KRT84: variants seen among roughly 807,000 people sequenced by gnomAD.
KRT84 encodes the protein keratin 84, also known as keratin, type II cuticular Hb4.
KRT84 carries 38 observed loss-of-function variants against 49.0 expected under a neutral mutation model. That is an observed-to-expected ratio of 0.78 (90% CI 0.60 to 1.02). The LOEUF is 1.02. Ranked by LOEUF, KRT84 falls within the 50% of genes least tolerant of loss-of-function variation. The pLI is 0.00. For missense variants in KRT84, 860 were observed against 788.6 expected, an observed-to-expected ratio of 1.09 and a Z score of -1.08; for synonymous variants, 334 against 312.8, an observed-to-expected ratio of 1.07 and a Z score of -0.72.
chr12:52,378,606 G>A (rs1436319797), intron 8 of KRT84, among the ~76,000 whole-genome samples: 3 of 152,218 alleles, frequency 2.0e-5, no homozygotes, highest in African/African-American at 7.2e-5. Flanking sequence ...TGAAAATGAC[G>A]ACTTCATCCA....
At chr12:52,383,830 A>C in intron 1 of KRT84, 32 bp from the exon 2 acceptor site, 2 of 1,579,584 alleles carry the variant, frequency 1.3e-6, no homozygotes. Context: ...ATGGCATTTG[A>C]AGTGCTTGAT....
intron 4 of KRT84, 131 bp from the exon 5 acceptor site, chr12:52,381,656 C>A: frequency 1.2e-6 from 1 of 864,666 alleles, no homozygotes; most frequent in South Asian, 1.7e-5. Flanking sequence ...AAAGCAAGAC[C>A]ATCTAAATTG....
chr12:52,379,212 C>A (rs567307661), intron 8 of KRT84, among the ~76,000 whole-genome samples: 1 of 152,354 alleles, frequency 6.6e-6, no homozygotes, highest in South Asian at 2.1e-4. Context: ...AGTCAGAAAT[C>A]TGGGTTTGAA....
intron 8 of KRT84, 140 bp downstream of exon 8, chr12:52,379,736 G>T: frequency 1.4e-6 from 1 of 719,402 alleles, no homozygotes; most frequent in Non-Finnish European, 2.5e-6. Context: ...TCCCCATCCA[G>T]GGCTGGATGG....
Position 52,385,159 on chromosome 12 carries a change from T to A in KRT84, c.427A>T (p.Asn143Tyr), listed in dbSNP as rs748428905. The A allele has an allele frequency of 6.2e-7, 1 of 1,602,460 alleles. No homozygotes were observed. The change falls in exon 1 of 9, where the codon AAC (asparagine) becomes TAC (tyrosine). Residue 143 changes from asparagine to tyrosine, a missense_variant. Physicochemically the swap from Asn to Tyr is moderately radical, Grantham distance 143. Transcript: ENST00000257951. ...TTGAGGGGGGTCAGTAGGCTCTTGT[T>A]CACAGTCACAGCTGTGATAGATGGG... ...AAPSITAVTV[N>Y]KSLLTPLNLE...
chr12:52,385,057 C>A lies in KRT84; in HGVS notation c.529G>T (p.Ala177Ser), dbSNP rs2121445773. Residue 177 changes from alanine to serine, a missense_variant, in exon 1 of 9, where the codon GCC becomes TCC. Ala to Ser is a moderately conservative substitution (Grantham distance 99, BLOSUM62 1). Coordinates refer to ENST00000257951, the MANE Select transcript of KRT84 (RefSeq NM_033045.4). ...EQIKTLNNKF[A>S]SFIDKVRFLE... ...ATAGGTACCTTGTCAATGAAGGAGG[C>A]AAACTTGTTGTTGAGGGTCTTGATT... 2 of 1,607,216 alleles carry A rather than the reference C, an allele frequency of 1.2e-6. No individual in the cohort carries two copies. The highest frequency in any genetic ancestry group is 1.7e-6 in the Non-Finnish European group (2 of 1,176,784).
chr12:52,385,463 C>T lies in KRT84; in HGVS notation c.123G>A (p.Gly41=). ...FRANSVSCWS[G]PGFRGLGSFG... is the part of the protein sequence containing the mutation. ...AGCTGCCAAGGCCCCGGAATCCAGG[C>T]CCACTCCAACAGGAGACAGAGTTGG... The change falls in exon 1 of 9, where the codon GGG becomes GGA. Residue 41 remains glycine (G), a synonymous_variant. Transcript: ENST00000257951. 1.9e-6 allele frequency: 3 copies of T among 1,614,196 alleles called. No homozygotes were observed. Among genetic ancestry groups the T allele is most frequent in the Non-Finnish European group, 1.7e-6 (2 of 1,180,012 alleles).
chr12:52,381,156 T>A lies in KRT84; in HGVS notation c.1127A>T (p.Asn376Ile). Residue 376 changes from asparagine to isoleucine, a missense_variant, in exon 6 of 9, where the codon AAC becomes ATC. Asn to Ile is a moderately radical substitution (Grantham distance 149, BLOSUM62 -3). Coordinates refer to ENST00000257951, the MANE Select transcript of KRT84 (RefSeq NM_033045.4). ...CAGTTCGTTGATCTCGTTCCGTATG[T>A]TGCGCAGGTTGTCACAGTGTTGGCC... is the stretch of plus-strand genomic sequence containing the variant. ...TAGQHCDNLR[N>I]IRNEINELTR... The A allele has an allele frequency of 6.2e-6, 10 of 1,614,158 alleles. No individual in the cohort carries two copies. Among genetic ancestry groups the A allele is most frequent in the Non-Finnish European group, 8.5e-6 (10 of 1,180,022 alleles).
intron 2 of KRT84, among the ~76,000 whole-genome samples, 163 bp from the exon 3 acceptor site, chr12:52,383,228 C>T (rs542299329): frequency 6.6e-6 from 1 of 152,202 alleles, no homozygotes; most frequent in Non-Finnish European, 1.5e-5. Flanking sequence ...ATCTTTATGA[C>T]CTTTCATAAG....
rs751920133 is a variant in KRT84, at chr12:52,380,322, T to G, written c.1424+41A>C. 31 of 1,608,694 alleles carry G rather than the reference T, an allele frequency of 1.9e-5. 1 individual carries two copies. The South Asian group carries it at 3.3e-4, about 17-fold the overall frequency. On this transcript the variant is annotated intron_variant, in intron 7 of 8. Coordinates refer to ENST00000257951, the MANE Select transcript of KRT84 (RefSeq NM_033045.4). ...CTCTTCCTTAGTCTTTCTAGATGCC[T>G]AAGTCTGACTTCACTCTCCTGCTGG...
intron 8 of KRT84, among the ~76,000 whole-genome samples, chr12:52,378,593 A>C (rs1217526783): frequency 6.6e-6 from 1 of 152,236 alleles, no homozygotes; most frequent in Non-Finnish European, 1.5e-5. Flanking sequence ...TCAAACATTC[A>C]GATGAAAATG....
rs1297834750 is a variant in KRT84, at chr12:52,380,531, G to T, written c.1256C>A (p.Thr419Asn). The T allele has an allele frequency of 6.2e-7, 1 of 1,613,968 alleles. No individual in the cohort carries two copies. Among genetic ancestry groups the T allele is most frequent in the Admixed American group, 1.7e-5 (1 of 60,016 alleles). ...CAGCTTGCATTTGGCATCACTGAGG[G>T]TCGCCTCGCCCTGCTGCTCGGCCTC... The part of the protein sequence containing the change: ...VAEAEQQGEA[T>N]LSDAKCKLAD... The change falls in exon 7 of 9, where the codon ACC becomes AAC. Residue 419 changes from threonine (T) to asparagine (N), a missense_variant. Physicochemically the swap from Thr to Asn is moderately conservative, Grantham distance 65 (BLOSUM62 0). Transcript: ENST00000257951.
Position 52,380,369 on chromosome 12 carries a change from T to C in KRT84, c.1418A>G (p.Glu473Gly), listed in dbSNP as rs570536396. The change falls in exon 7 of 9, where the codon GAG (glutamate) becomes GGG (glycine). Residue 473 changes from glutamate to glycine, a missense_variant. By Grantham distance (98) the Glu-to-Gly change is moderately conservative. Transcript: ENST00000257951. ...CTGGACTGAGAGTACTCACCGGCTC[T>C]CCTCGCCCTCCAGCAGGCGCCTGTA... ...ATYRRLLEGE[E>G]SRLCEGVGPV... is the part of the protein sequence containing the mutation. 6.2e-7 allele frequency: 1 copy of C among 1,613,980 alleles called. No homozygotes were observed. The highest frequency in any genetic ancestry group is 2.2e-5 in the East Asian group (1 of 44,892).
At chr12:52,382,378 C>G in intron 4 of KRT84, 59 bp downstream of exon 4, 1 of 1,133,954 alleles carries the variant, frequency 8.8e-7, no homozygotes, top group Non-Finnish European at 1.3e-6. Flanking sequence ...GCTAAGCATT[C>G]AGGGAGTCCA....
At chr12:52,383,563 G>A (rs1385662827) in intron 2 of KRT84, 27 bp downstream of exon 2, 1 of 1,597,138 alleles carries the variant, frequency 6.3e-7, no homozygotes, top group Non-Finnish European at 8.6e-7. Context: ...GCCTGTCACT[G>A]GTCTGTGCAG....
At chr12:52,381,261 C>G in intron 5 of KRT84, 56 bp from the exon 6 acceptor site, 1 of 1,610,382 alleles carries the variant, frequency 6.2e-7, no homozygotes, top group Non-Finnish European at 8.5e-7. Flanking sequence ...GATCACAGCC[C>G]CCACTGAGTT....
In KRT84 at chr12:52,385,245, C is replaced by T; in HGVS notation, c.341G>A (p.Gly114Asp). ...GLGFGAGSGI[G>D]YGFGGPGFGY... ...AAAGCCAGGGCCACCAAAGCCATAG[C>T]CAATGCCACTGCCAGCTCCAAAGCC... is the stretch of plus-strand genomic sequence containing the variant. The change falls in exon 1 of 9, where the codon GGC becomes GAC. Residue 114 changes from glycine (G) to aspartate (D), a missense_variant. By Grantham distance (94) the Gly-to-Asp change is moderately conservative (BLOSUM62 -1). Coordinates refer to ENST00000257951, the MANE Select transcript of KRT84 (RefSeq NM_033045.4). 1.9e-6 allele frequency: 3 copies of T among 1,614,122 alleles called. No individual in the cohort carries two copies. The highest frequency in any genetic ancestry group is 2.5e-6 in the Non-Finnish European group (3 of 1,180,030).
chr12:52,378,124 G>A lies in KRT84; in HGVS notation c.1713C>T (p.Pro571=). The change falls in exon 9 of 9, where the codon CCC becomes CCT. Residue 571 remains proline, a synonymous_variant. Transcript: ENST00000257951. ...ACVPSVPCPL[P]TQGGFSSCSG... ...TGCAGCTGCTGAAGCCCCCCTGGGT[G>A]GGCAGGGGGCAGGGGACGCTGGGGA... 6.5e-7 allele frequency: 1 copy of A among 1,543,516 alleles called. No individual in the cohort carries two copies. The highest frequency in any genetic ancestry group is 2.0e-5 in the Admixed American group (1 of 48,842).
rs145766018 is a variant in KRT84 at position 52,385,329 on chromosome 12, C to T, written c.257G>A (p.Gly86Asp). The change falls in exon 1 of 9, where the codon GGT (glycine) becomes GAT (aspartate). Residue 86 changes from glycine (G) to aspartate (D), a missense_variant. Gly to Asp is a moderately conservative substitution (Grantham distance 94). Transcript: ENST00000257951. ...ACCAACACCTCTCCCATCACCAAAA[C>T]CCATCCCACAGCCAGCACCAAAGCG... Reference protein sequence around the residue: ...GVRFGAGCGMGFGDGRGVGLG... With the variant: ...GVRFGAGCGMDFGDGRGVGLG... 6.2e-7 allele frequency: 1 copy of T among 1,614,172 alleles called. No individual in the cohort carries two copies. Among genetic ancestry groups the T allele is most frequent in the African/African-American group, 1.3e-5 (1 of 75,048 alleles).
Sources: gnomAD v4.1 joint callset for allele counts (sites outside exome capture counted in the v4.1 genomes callset) on GRCh38, gnomAD v4.1.1 for gene constraint, MANE v1.5 for transcripts, NCBI Gene and HGNC (gene_info 2026-07-23, HGNC 2026-07-21) for gene names.